MUC6: variants seen among roughly 807,000 people sequenced by gnomAD.
The protein encoded by MUC6 is mucin-6.
A neutral mutation model predicts 201.5 loss-of-function variants in MUC6; 188 were observed. The ratio of observed to expected loss-of-function variants is 0.93; its 90% confidence interval spans 0.83 to 1.05. MUC6 has a LOEUF of 1.05. Among genes scored for constraint, MUC6 ranks in the 50% least tolerant of loss-of-function variants. The pLI is 0.00. For synonymous variants in MUC6, 1,228 were observed against 1,389.4 expected (o/e 0.88, Z 2.58); for missense variants, 2,706 against 3,256.9 (o/e 0.83, Z 4.12).
At chr11:1,031,467 G>T in intron 4 of MUC6, 140 bp downstream of exon 4, 1 of 1,374,706 alleles carries the variant, frequency 7.3e-7, no homozygotes, top group Non-Finnish European at 9.8e-7. Context: ...TCAGGGGTCA[G>T]CACTGCTTGG....
Position 1,013,476 on chromosome 11 carries a change from A to T in MUC6, c.7300T>A (p.Ser2434Thr). 6.3e-7 allele frequency: 1 copy of T among 1,585,020 alleles called. No individual in the cohort carries two copies. Among genetic ancestry groups the T allele is most frequent in the Non-Finnish European group, 8.6e-7 (1 of 1,167,148 alleles). The change falls in exon 33 of 33, where the codon TCT (serine) becomes ACT (threonine). Residue 2434 changes from serine (S) to threonine (T), a missense_variant. Transcript: ENST00000421673. The stretch of plus-strand genomic sequence containing the variant: ...CCCTGCTAGTCTCCACAGGCCACAG[A>T]GCTGCACACGCAGTGGCTGAACACC... Reference protein sequence around the residue: ...LQVFSHCVCSSVACGD With the variant: ...LQVFSHCVCSTVACGD
rs755773145 is a variant in MUC6, at chr11:1,016,494, G to A, written c.6307C>T (p.Pro2103Ser). 2.5e-6 allele frequency: 4 copies of A among 1,607,578 alleles called. No individual in the cohort carries two copies. The highest frequency in any genetic ancestry group is 1.4e-5 in the African/African-American group (1 of 72,960). Residue 2103 changes from proline (P) to serine (S), a missense_variant, in exon 31 of 33, where the codon CCG becomes TCG. Physicochemically the swap from Pro to Ser is moderately conservative, Grantham distance 74 (BLOSUM62 -1). This residue lies in a region of MUC6 where 586 missense variants were observed against 488.0 expected (regional missense o/e 1.20). Coordinates refer to ENST00000421673, the MANE Select transcript of MUC6 (RefSeq NM_005961.3). ...WLPQNSSSRP[P>S]SSPITTQLPH... ...AGTTGTGTGGTGATAGGTGATGACG[G>A]TGGCCTTGAGCTAGAGTTCTGAGGC...
chr11:1,031,715 A>G lies in MUC6; in HGVS notation c.375T>C (p.Tyr125=), dbSNP rs1857108972. 3.2e-6 allele frequency: 5 copies of G among 1,550,642 alleles called. No individual in the cohort carries two copies. Among genetic ancestry groups the G allele is most frequent in the Non-Finnish European group, 4.4e-6 (5 of 1,147,020 alleles). Residue 125 remains tyrosine, a synonymous_variant, in exon 4 of 33, where the codon TAT becomes TAC. Coordinates refer to ENST00000421673, the MANE Select transcript of MUC6 (RefSeq NM_005961.3). The part of the protein sequence containing the change: ...VKDIGVISLP[Y]TSNGLQITPF... ...GTGTGATCTGGAGTCCATTGCTGGT[A>G]TAGGGCAGGCTGATGACCCTGTGGG...
Position 1,016,248 on chromosome 11 carries a change from T to G in MUC6, c.6553A>C (p.Thr2185Pro). 6.2e-7 allele frequency: 1 copy of G among 1,611,686 alleles called. No individual in the cohort carries two copies. ...GACACTGATGCAGTCGTGGGATGAGTGGACAATGAGGAGTGTGACCCCGAG... is the reference window on the plus strand; with the variant it reads ...GACACTGATGCAGTCGTGGGATGAGGGGACAATGAGGAGTGTGACCCCGAG... ...LSSGSHSSLS[T>P]HPTTASVSAS... The change falls in exon 31 of 33, where the codon ACT (threonine) becomes CCT (proline). Residue 2185 changes from threonine (T) to proline (P), a missense_variant. By Grantham distance (38) the Thr-to-Pro change is conservative. Around this residue, in one of 10 missense-constraint regions of MUC6, gnomAD observed 586 missense variants for 488.0 expected, o/e 1.20. Coordinates refer to ENST00000421673, the MANE Select transcript of MUC6 (RefSeq NM_005961.3).
chr11:1,025,129 T>G, intron 23 of MUC6, 46 bp from the exon 24 acceptor site: 2 of 1,611,104 alleles, frequency 1.2e-6, no homozygotes, highest in Non-Finnish European at 1.7e-6. Flanking sequence ...GTGCCATCTG[T>G]CTCCACCCCT....
Position 1,031,970 on chromosome 11 carries a change from A to T in MUC6, c.199T>A (p.Cys67Ser). 6.2e-7 allele frequency: 1 copy of T among 1,613,540 alleles called. No homozygotes were observed. ...DHHVYDFSGT[C>S]NYIFAATCKD... ...CAGGTGGCCGCGAAGATGTAGTTGC[A>T]CGTCCCCGAGAAGTCGTACACGTGG... The change falls in exon 3 of 33, where the codon TGC becomes AGC. Residue 67 changes from cysteine to serine, a missense_variant. Cys to Ser is a moderately radical substitution (Grantham distance 112). Transcript: ENST00000421673.
chr11:1,036,698 G>C lies in MUC6; in HGVS notation c.-43C>G, dbSNP rs1323636105. On this transcript the variant is annotated 5_prime_UTR_variant, in exon 1 of 33. Transcript: ENST00000421673. ...AGCTCGCGCTGGGCCCGGCAGGCCT[G>C]CTGCTGCCATCCATGCGGCTCCAAC... is the stretch of plus-strand genomic sequence containing the variant. 4 of 1,537,392 alleles carry C rather than the reference G, an allele frequency of 2.6e-6. No homozygotes were observed. Among genetic ancestry groups the C allele is most frequent in the Non-Finnish European group, 8.8e-7 (1 of 1,142,604 alleles).
chr11:1,014,574 G>A (rs1358198186), intron 31 of MUC6, among the ~76,000 whole-genome samples: 2 of 152,216 alleles, frequency 1.3e-5, no homozygotes, highest in Non-Finnish European at 2.9e-5. Context: ...TGGGTACGTG[G>A]CAGGCAGCAC....
rs372460335 is a variant in MUC6 at position 1,026,431 on chromosome 11, G to A, written c.2442C>T (p.Tyr814=). The A allele has an allele frequency of 3.0e-5, 49 of 1,608,322 alleles. No individual in the cohort carries two copies. The East Asian group carries it at 5.8e-4, about 19-fold the overall frequency. ...GCACACACTGCCCGTCGGCATTCTC[G>A]TAGAGGCCCTCGGCGCAGACACAGC... ...EPGCVCAEGL[Y]ENADGQCVPP... is the part of the protein sequence containing the mutation. Residue 814 remains tyrosine, a synonymous_variant, in exon 20 of 33, where the codon TAC becomes TAT. Transcript: ENST00000421673.
intron 30 of MUC6, among the ~76,000 whole-genome samples, chr11:1,019,029 C>T (rs990571117): frequency 2.0e-5 from 3 of 152,212 alleles, no homozygotes; most frequent in African/African-American, 7.2e-5. Context: ...CCTACTTTAT[C>T]CCCTTCTGGT....
At chr11:1,021,739 T>C (rs977355660) in intron 26 of MUC6, among the ~76,000 whole-genome samples, 20 of 152,020 alleles carry the variant, frequency 1.3e-4, no homozygotes, top group Non-Finnish European at 2.5e-4. Flanking sequence ...CACCCGGGGC[T>C]GGGGCTTCGG....
chr11:1,029,995 G>A (rs944003044), intron 8 of MUC6, among the ~76,000 whole-genome samples: 6 of 152,182 alleles, frequency 3.9e-5, no homozygotes, highest in South Asian at 2.1e-4. Context: ...AGCCCTCACC[G>A]CCCGTGGGTT....
At chr11:1,032,920 G>T in intron 2 of MUC6, 93 bp downstream of exon 2, 1 of 1,132,714 alleles carries the variant, frequency 8.8e-7, no homozygotes, top group Non-Finnish European at 1.3e-6. Context: ...GGATGTGTGT[G>T]TCTTGGGGGT....
Position 1,016,554 on chromosome 11 carries a change from C to G in MUC6, c.6247G>C (p.Ala2083Pro), listed in dbSNP as rs376688775. The G allele has an allele frequency of 3.5e-6, 3 of 852,798 alleles. No homozygotes were observed. Among genetic ancestry groups the G allele is most frequent in the Non-Finnish European group, 4.5e-6 (3 of 671,338 alleles). 52.8% of individuals were successfully genotyped at this position (852,798 alleles called of 1,614,324 possible). Residue 2083 changes from alanine (A) to proline (P), a missense_variant, in exon 31 of 33, where the codon GCC (alanine) becomes CCC (proline). Ala to Pro is a conservative substitution (Grantham distance 27, BLOSUM62 -1). This residue lies in a region of MUC6 where 586 missense variants were observed against 488.0 expected (regional missense o/e 1.20). Transcript: ENST00000421673. The stretch of plus-strand genomic sequence containing the variant: ...GAGGAGGATATGAAGGAAGAAGAGG[C>G]TGTAGCTGTGCTGAATGAGCTGTGG... ...QTHSSFSTAT[A>P]SSSFISSSSW...
rs763502454 is a variant in MUC6 at position 1,030,969 on chromosome 11, G to A, written c.662C>T (p.Thr221Ile). The change falls in exon 6 of 33, where the codon ACC (threonine) becomes ATC (isoleucine). Residue 221 changes from threonine to isoleucine, a missense_variant. Physicochemically the swap from Thr to Ile is moderately conservative, Grantham distance 89 (BLOSUM62 -1). Coordinates refer to ENST00000421673, the MANE Select transcript of MUC6 (RefSeq NM_005961.3). ...EICTFQDIPSTHVRQAQHARI... is the reference protein window; with the variant it reads ...EICTFQDIPSIHVRQAQHARI... ...TACGTGCTGGGCCTGCCGGACGTGG[G>A]TGCTGGGGATGTCCTGGAAGGTGCA... The A allele has an allele frequency of 6.3e-7, 1 of 1,582,908 alleles. No homozygotes were observed. Among genetic ancestry groups the A allele is most frequent in the Admixed American group, 1.8e-5 (1 of 54,742 alleles).
Position 1,028,936 on chromosome 11 carries a change from T to C in MUC6, c.1406A>G (p.Glu469Gly), listed in dbSNP as rs1324535464. Residue 469 changes from glutamate (E) to glycine (G), a missense_variant, in exon 12 of 33, where the codon GAG becomes GGG. By Grantham distance (98) the Glu-to-Gly change is moderately conservative. Around this residue, in one of 10 missense-constraint regions of MUC6, gnomAD observed 1,850 missense variants for 1,958.3 expected, o/e 0.94. Transcript: ENST00000421673. ...GGCTTCTCCGTTGTTGGTGACCACCTCGTCCTGAGAGATCACAATTTTGTC... is the reference window on the plus strand; with the variant it reads ...GGCTTCTCCGTTGTTGGTGACCACCCCGTCCTGAGAGATCACAATTTTGTC... Reference protein sequence around the residue: ...RQDKIVISQDEVVTNNGEAKW... With the variant: ...RQDKIVISQDGVVTNNGEAKW... 1 of 1,613,034 alleles carries C rather than the reference T, an allele frequency of 6.2e-7. No individual in the cohort carries two copies. The highest frequency in any genetic ancestry group is 8.5e-7 in the Non-Finnish European group (1 of 1,179,882).
At chr11:1,015,701 T>G in intron 31 of MUC6, 61 bp downstream of exon 31, 1 of 1,496,680 alleles carries the variant, frequency 6.7e-7, no homozygotes, top group East Asian at 2.3e-5. Context: ...AGGCAGGGGC[T>G]GCCTGGGAGT....
At chr11:1,021,187 G>A in intron 27 of MUC6, 28 bp downstream of exon 27, 2 of 1,545,624 alleles carry the variant, frequency 1.3e-6, no homozygotes, top group Non-Finnish European at 1.7e-6. Context: ...GCAGGGGCAG[G>A]GTTCTCAGGG....
chr11:1,013,335 TGGG>T lies in MUC6; in HGVS notation c.*118_*120del, dbSNP rs1342491278. 51 of 1,135,974 alleles carry T rather than the reference TGGG, an allele frequency of 4.5e-5. No homozygotes were observed. The highest frequency in any genetic ancestry group is 3.0e-4 in the Middle Eastern group (1 of 3,322). 70.4% of individuals were successfully genotyped at this position (1,135,974 alleles called of 1,614,324 possible). A position where few individuals can be genotyped will look rare whatever the true frequency, so the allele number is the denominator to read the frequency against. ...CCAGGGAGCCACGGCCCAGGGCACT[TGGG>T]GGCCAGGCCTGGTGACCAGGAAAGC... On this transcript the variant is annotated 3_prime_UTR_variant, in exon 33 of 33. Transcript: ENST00000421673.
Sources: allele counts gnomAD v4.1 joint callset (sites outside exome capture counted in the v4.1 genomes callset), GRCh38; gene constraint gnomAD v4.1.1; regional missense constraint gnomAD v4.1.1; transcripts MANE v1.5; gene names NCBI Gene and HGNC (gene_info 2026-07-23, HGNC 2026-07-21).